The following TPX2 variants were observed in gnomAD, a reference collection of about 807,000 sequenced individuals.
TPX2 encodes TPX2 microtubule nucleation factor.
Under a neutral mutation model 93.6 loss-of-function variants are expected in TPX2, and 21 were observed. The ratio of observed to expected loss-of-function variants is 0.22; its 90% CI spans 0.16 to 0.32. The LOEUF is 0.32. Among genes scored for constraint, TPX2 ranks in the 10% least tolerant of loss-of-function variants. The pLI, the probability that TPX2 is intolerant of heterozygous loss-of-function variation, is 1.00. For missense variants in TPX2, 776 were observed against 871.1 expected (o/e 0.89, Z 1.37); for synonymous variants, 281 against 298.3 (o/e 0.94, Z 0.60).
At chr20:31,767,366 C>T (rs1174950756) in intron 5 of TPX2, among the ~76,000 whole-genome samples, 2 of 149,960 alleles carry the variant, frequency 1.3e-5, no homozygotes, top group Admixed American at 1.3e-4. Flanking sequence ...ATTACTTTAG[C>T]TCTCTTTTTC....
intron 11 of TPX2, 45 bp downstream of exon 11, chr20:31,782,435 C>A: frequency 6.4e-7 from 1 of 1,556,698 alleles, no homozygotes; most frequent in Non-Finnish European, 8.7e-7. Flanking sequence ...CACGAACCTG[C>A]CTACTTTATT....
At chr20:31,793,702 C>T in intron 13 of TPX2, 146 bp from the exon 14 acceptor site, 1 of 731,548 alleles carries the variant, frequency 1.4e-6, no homozygotes, top group Non-Finnish European at 2.1e-6. Flanking sequence ...AGTCATCATC[C>T]TTCTTGGATA....
chr20:31,798,606 C>T, intron 17 of TPX2, 54 bp downstream of exon 17: 2 of 1,512,686 alleles, frequency 1.3e-6, no homozygotes, highest in Non-Finnish European at 1.8e-6. Flanking sequence ...TTTTATTTTA[C>T]CTGTACCTTA....
At chr20:31,755,873 T>TTAG (rs1439634446) in intron 2 of TPX2, among the ~76,000 whole-genome samples, 1 of 152,184 alleles carries the variant, frequency 6.6e-6, no homozygotes, top group Non-Finnish European at 1.5e-5. Context: ...ATTAACTAGA[T>TTAG]TAGGCTTGAG....
intron 12 of TPX2, among the ~76,000 whole-genome samples, chr20:31,791,466 A>G (rs1292051045): frequency 6.6e-6 from 1 of 152,094 alleles, no homozygotes; most frequent in East Asian, 1.9e-4. Flanking sequence ...TTGTATTTTT[A>G]GTAGAGACGG....
intron 5 of TPX2, among the ~76,000 whole-genome samples, chr20:31,770,056 T>G (rs1349360907): frequency 6.6e-6 from 1 of 152,150 alleles, no homozygotes. Flanking sequence ...TGCCGCAGCT[T>G]TCCAAAGTGC....
At chr20:31,762,742 A>G (rs6060932) in intron 4 of TPX2, among the ~76,000 whole-genome samples, 56,384 of 151,998 alleles carry the variant, frequency 0.37, 12,587 homozygotes, top group African/African-American at 0.62. Context: ...TAAGAAATAG[A>G]TGTCTAGTTT....
chr20:31,744,124 AATC>A (rs2061769757), intron 2 of TPX2, among the ~76,000 whole-genome samples: 1 of 151,992 alleles, frequency 6.6e-6, no homozygotes, highest in Non-Finnish European at 1.5e-5. Flanking sequence ...TTTTTAAAAA[AATC>A]ATACACTAAA....
At chr20:31,790,391 G>A (rs1289111068) in intron 12 of TPX2, among the ~76,000 whole-genome samples, 1 of 152,156 alleles carries the variant, frequency 6.6e-6, no homozygotes, top group East Asian at 1.9e-4. Flanking sequence ...GAGCCTTTGG[G>A]ATCCCTCCCA....
chr20:31,769,874 T>C (rs1379517026), intron 5 of TPX2, among the ~76,000 whole-genome samples: 1 of 152,216 alleles, frequency 6.6e-6, no homozygotes, highest in East Asian at 1.9e-4. Flanking sequence ...CATGGCTTAC[T>C]GCAGCCTTGA....
intron 2 of TPX2, among the ~76,000 whole-genome samples, chr20:31,755,646 C>T (rs1685853580): frequency 6.6e-6 from 1 of 151,802 alleles, no homozygotes; most frequent in South Asian, 2.1e-4. Context: ...GCCTGTAATT[C>T]CAGCTACTAG....
intron 4 of TPX2, among the ~76,000 whole-genome samples, chr20:31,760,916 CTGTT>C (rs879603500): frequency 7.2e-5 from 11 of 151,962 alleles, no homozygotes; most frequent in African/African-American, 2.7e-4. Context: ...AGAATATTGT[CTGTT>C]TGGTTAGAAC....
At chr20:31,753,503 C>T (rs888830549) in intron 2 of TPX2, among the ~76,000 whole-genome samples, 2 of 152,148 alleles carry the variant, frequency 1.3e-5, no homozygotes, top group South Asian at 2.1e-4. Flanking sequence ...TCTTGGAGAA[C>T]CCCTTTTTGC....
chr20:31,761,410 C>T (rs1051218416), intron 4 of TPX2, among the ~76,000 whole-genome samples: 15 of 152,054 alleles, frequency 9.9e-5, no homozygotes, highest in African/African-American at 3.6e-4. Flanking sequence ...CCATATTGGC[C>T]AGGCTGGTCT....
intron 9 of TPX2, among the ~76,000 whole-genome samples, chr20:31,778,292 G>A (rs1012295885): frequency 6.6e-6 from 1 of 152,110 alleles, no homozygotes; most frequent in African/African-American, 2.4e-5. Flanking sequence ...TTGAGATACA[G>A]GTCCTTGAAG....
intron 15 of TPX2, among the ~76,000 whole-genome samples, chr20:31,794,835 T>C (rs931263579): frequency 6.6e-6 from 1 of 151,858 alleles, no homozygotes; most frequent in Non-Finnish European, 1.5e-5. Flanking sequence ...TGTTGTTGTT[T>C]TTTGAGACAG....
chr20:31,764,610 T>C lies in TPX2; in HGVS notation c.230-1946T>C, dbSNP rs1325095646. Among the ~76,000 whole-genome samples, 3 of 152,258 alleles carry C rather than the reference T, an allele frequency of 2.0e-5. No individual in the cohort carries two copies. The East Asian group carries it at 5.8e-4, about 29-fold the overall frequency. ...GTATGTCTATATTTAAAGTGCATTT[T>C]TTTGTAGACAGCATATAATTGGGTC... On this transcript the variant is annotated intron_variant, in intron 4 of 17. Transcript: ENST00000300403.
rs565179184 is a variant in TPX2, at chr20:31,739,449, G to A, written c.-350G>A. On this transcript the variant is annotated 5_prime_UTR_variant, in exon 1 of 18. Transcript: ENST00000300403. ...CACCTTCCAGCCCCTAGCGCCGTTC[G>A]CGCCGCTAGGCCTGGCTTCTGAGGC... is the stretch of plus-strand genomic sequence containing the variant. The A allele has an allele frequency of 2.6e-5, 4 of 152,352 alleles. No individual in the cohort carries two copies. In the South Asian group the frequency reaches 8.3e-4, roughly 32 times the overall value. The allele number at this position is 152,352 out of a possible 1,614,324, so 9.4% of individuals were successfully genotyped here. A position where few individuals can be genotyped will look rare whatever the true frequency, so the allele number is the denominator to read the frequency against.
At chr20:31,762,781 G>C (rs2061898085) in intron 4 of TPX2, among the ~76,000 whole-genome samples, 1 of 152,136 alleles carries the variant, frequency 6.6e-6, no homozygotes, top group Admixed American at 6.6e-5. Context: ...TATCTAGTTT[G>C]ATCAGCACCA....
Sources: allele counts gnomAD v4.1 joint callset (sites outside exome capture counted in the v4.1 genomes callset), GRCh38; gene constraint gnomAD v4.1.1; transcripts MANE v1.5; gene names NCBI Gene and HGNC (gene_info 2026-07-23, HGNC 2026-07-21).